GHR: variants seen among roughly 807,000 people sequenced by gnomAD.
The protein encoded by GHR is growth hormone receptor, also known as GH receptor.
A neutral mutation model predicts 67.1 loss-of-function variants in GHR; 35 were observed. That is an observed-to-expected ratio of 0.52 (90% CI 0.40 to 0.69). The LOEUF is 0.69. Among genes scored for constraint, GHR ranks in the 30% least tolerant of loss-of-function variants. GHR has a pLI of 0.00. For synonymous variants in GHR, 272 were observed against 269.1 expected (o/e 1.01, Z -0.10); for missense variants, 792 against 764.6 (o/e 1.04, Z -0.42).
intron 1 of GHR, among the ~76,000 whole-genome samples, chr5:42,540,943 G>T (rs1257669773): frequency 1.4e-4 from 20 of 139,890 alleles, no homozygotes; most frequent in South Asian, 2.3e-4. Flanking sequence ...TATTTTCCTT[G>T]TTTTTTTTTT....
chr5:42,717,203 G>A (rs776976257), intron 8 of GHR, among the ~76,000 whole-genome samples: 1 of 152,090 alleles, frequency 6.6e-6, no homozygotes, highest in Non-Finnish European at 1.5e-5. Context: ...AGGAGGCTGA[G>A]GCAAGAATAT....
At chr5:42,704,016 T>C (rs1758056639) in intron 6 of GHR, among the ~76,000 whole-genome samples, 1 of 151,946 alleles carries the variant, frequency 6.6e-6, no homozygotes, top group Non-Finnish European at 1.5e-5. Flanking sequence ...TCCTTCTCAA[T>C]TTTGGATGCC....
intron 1 of GHR, among the ~76,000 whole-genome samples, chr5:42,428,609 G>T (rs754227707): frequency 1.3e-5 from 2 of 152,084 alleles, no homozygotes; most frequent in Non-Finnish European, 2.9e-5. Context: ...CCTCTTGAAT[G>T]CTTTGCTGCT....
intron 1 of GHR, among the ~76,000 whole-genome samples, chr5:42,462,080 G>C (rs1404433804): frequency 6.6e-6 from 1 of 152,202 alleles, no homozygotes; most frequent in Non-Finnish European, 1.5e-5. Flanking sequence ...TTCCAGGACA[G>C]GTTTCAGAAG....
intron 3 of GHR, 35 bp from the exon 4 acceptor site, chr5:42,688,855 G>A: frequency 6.2e-7 from 1 of 1,608,134 alleles, no homozygotes; most frequent in South Asian, 1.1e-5. Flanking sequence ...TGACTCACCT[G>A]ATTTCATGCC....
At position 42,694,983 on chromosome 5, in the gene GHR, C is replaced by T. The variant is rs1242614937; in HGVS notation, c.333C>T (p.Ser111=). The T allele has an allele frequency of 2.5e-6, 4 of 1,610,592 alleles. No individual in the cohort carries two copies. The African/African-American group carries it at 5.3e-5, about 22-fold the overall frequency. Residue 111 remains serine (S), a synonymous_variant, in exon 5 of 10, where the codon AGC becomes AGT. Coordinates refer to ENST00000230882, the MANE Select transcript of GHR (RefSeq NM_000163.5). ...ATTATGTTTCTGCTGGGGAAAACAG[C>T]TGTTACTTTAATTCATCGTTTACCT... is the stretch of plus-strand genomic sequence containing the variant. ...CPDYVSAGEN[S]CYFNSSFTSI...
At position 42,630,436 on chromosome 5, in the gene GHR, T is replaced by C. The variant is rs1272806745; in HGVS notation, c.136+1333T>C. ...TTGTTATTCTAGAGTCACGAAATCA[T>C]AATTTGAATTTTATGACTAAATTGC... On this transcript the variant is annotated intron_variant, in intron 3 of 9. Transcript: ENST00000230882. 1.5e-5 allele frequency among the ~76,000 whole-genome samples: 2 copies of C among 132,458 alleles called. 1 individual carries two copies. Among genetic ancestry groups the C allele is most frequent in the Non-Finnish European group, 3.2e-5 (2 of 62,580 alleles). 86.9% of individuals were successfully genotyped at this position (132,458 alleles called of 152,430 possible).
chr5:42,548,713 C>T (rs1343308137), intron 1 of GHR, among the ~76,000 whole-genome samples: 1 of 152,098 alleles, frequency 6.6e-6, no homozygotes, highest in Non-Finnish European at 1.5e-5. Context: ...TCTCTCTTCC[C>T]CTTACTTCTC....
At chr5:42,427,187 C>T (rs550838036) in intron 1 of GHR, among the ~76,000 whole-genome samples, 1 of 152,210 alleles carries the variant, frequency 6.6e-6, no homozygotes, top group Non-Finnish European at 1.5e-5. Flanking sequence ...CTTGATTGTA[C>T]ATTCTCATTG....
intron 1 of GHR, among the ~76,000 whole-genome samples, chr5:42,513,057 C>T (rs1000452205): frequency 1.3e-5 from 2 of 152,152 alleles, no homozygotes; most frequent in Non-Finnish European, 2.9e-5. Flanking sequence ...ACACTATCCC[C>T]TCTGATCTGA....
intron 1 of GHR, among the ~76,000 whole-genome samples, chr5:42,482,171 C>A (rs1745671761): frequency 6.6e-6 from 1 of 152,186 alleles, no homozygotes; most frequent in Non-Finnish European, 1.5e-5. Context: ...GCCTGGGTAT[C>A]AGCAGCGGTG....
chr5:42,681,890 A>G lies in GHR; in HGVS notation c.137-7000A>G, dbSNP rs1179115283. Among the ~76,000 whole-genome samples the G allele has an allele frequency of 2.1e-5, 3 of 143,150 alleles. No homozygotes were observed. In the Admixed American group the frequency reaches 2.3e-4, roughly 11 times the overall value. 93.9% of individuals were successfully genotyped at this position (143,150 alleles called of 152,430 possible). On this transcript the variant is annotated intron_variant, in intron 3 of 9. Transcript: ENST00000230882. ...GGCGGAGCTTGCAGTGAGCCGAGATAGCGCCACTGCAGTCCAGCCTGGGCA... is the reference window on the plus strand; with the variant it reads ...GGCGGAGCTTGCAGTGAGCCGAGATGGCGCCACTGCAGTCCAGCCTGGGCA...
At chr5:42,639,900 G>A (rs113165198) in intron 3 of GHR, among the ~76,000 whole-genome samples, 3,933 of 152,202 alleles carry the variant, frequency 0.026, 164 homozygotes, top group African/African-American at 0.089. Context: ...TGTTTATTAG[G>A]TGAATATCAT....
intron 6 of GHR, among the ~76,000 whole-genome samples, chr5:42,709,253 A>G (rs970240042): frequency 2.0e-5 from 3 of 151,830 alleles, no homozygotes; most frequent in Admixed American, 1.3e-4. Flanking sequence ...CGTGCCTCAG[A>G]CTCCTGAGTA....
chr5:42,693,327 A>G (rs1168229670), intron 4 of GHR, among the ~76,000 whole-genome samples: 1 of 152,078 alleles, frequency 6.6e-6, no homozygotes, highest in Non-Finnish European at 1.5e-5. Context: ...TTTTTAGTAC[A>G]GATGGGGTTT....
intron 1 of GHR, among the ~76,000 whole-genome samples, chr5:42,491,117 T>G (rs1746095901): frequency 6.6e-6 from 1 of 152,216 alleles, no homozygotes; most frequent in South Asian, 2.1e-4. Context: ...GGCATGAGAC[T>G]TCTACAGAGT....
intron 1 of GHR, among the ~76,000 whole-genome samples, chr5:42,439,684 A>AGAAGATAT (rs1554051383): frequency 6.6e-6 from 1 of 152,190 alleles, no homozygotes; most frequent in Admixed American, 6.6e-5. Flanking sequence ...AAGTCCTTAC[A>AGAAGATAT]GAAGATACTT....
chr5:42,474,853 T>G, intron 1 of GHR, among the ~76,000 whole-genome samples: 1 of 151,690 alleles, frequency 6.6e-6, no homozygotes, highest in East Asian at 1.9e-4. Flanking sequence ...TTAATAATTT[T>G]CTACAACATT....
At chr5:42,700,470 A>G (rs1757881818) in intron 6 of GHR, among the ~76,000 whole-genome samples, 1 of 152,196 alleles carries the variant, frequency 6.6e-6, no homozygotes, top group Non-Finnish European at 1.5e-5. Context: ...AGGTTTCAGA[A>G]GGATGTTTTG....
Sources: gnomAD v4.1 joint callset for allele counts (sites outside exome capture counted in the v4.1 genomes callset) on GRCh38, gnomAD v4.1.1 for gene constraint, MANE v1.5 for transcripts, NCBI Gene and HGNC (gene_info 2026-07-23, HGNC 2026-07-21) for gene names.